SEPSECS: variants seen among roughly 807,000 people sequenced by gnomAD.
The protein encoded by SEPSECS is Sep (O-phosphoserine) tRNA:Sec (selenocysteine) tRNA synthase.
Under a neutral mutation model 52.1 loss-of-function variants are expected in SEPSECS, and 42 were observed. The observed-to-expected ratio is 0.81, with a 90% confidence interval of 0.63 to 1.04. SEPSECS has a LOEUF of 1.04. Among genes scored for constraint, SEPSECS ranks in the 50% least tolerant of loss-of-function variants. The pLI is 0.00. For missense variants in SEPSECS, 590 were observed against 610.6 expected (o/e 0.97, Z 0.36); for synonymous variants, 216 against 211.4 (o/e 1.02, Z -0.19).
chr4:25,127,061 C>A (rs1728403013), intron 9 of SEPSECS, among the ~76,000 whole-genome samples: 1 of 152,198 alleles, frequency 6.6e-6, no homozygotes, highest in Admixed American at 6.5e-5. Flanking sequence ...TTCTTATTCT[C>A]TCAGTGTATA....
intron 8 of SEPSECS, among the ~76,000 whole-genome samples, chr4:25,143,556 G>C (rs1372034186): frequency 6.6e-6 from 1 of 152,092 alleles, no homozygotes; most frequent in Non-Finnish European, 1.5e-5. Flanking sequence ...TTTCATTGTG[G>C]TTTTAAATTT....
At chr4:25,146,032 C>T (rs187823417) in intron 6 of SEPSECS, among the ~76,000 whole-genome samples, 70 of 152,246 alleles carry the variant, frequency 4.6e-4, no homozygotes, top group Non-Finnish European at 7.2e-4. Context: ...TACTTACCTA[C>T]TAGAAATGTA....
chr4:25,135,244 C>T (rs1214934236), intron 8 of SEPSECS, among the ~76,000 whole-genome samples: 1 of 144,536 alleles, frequency 6.9e-6, no homozygotes, highest in Non-Finnish European at 1.5e-5. Flanking sequence ...CACGAAAAAC[C>T]GTTAAAAAAA....
At chr4:25,159,407 A>C in intron 1 of SEPSECS, 1 of 370,916 alleles carries the variant, frequency 2.7e-6, no homozygotes, top group Non-Finnish European at 5.0e-6. Context: ...CCCAGTGAAG[A>C]TGCTTCAAAC....
Position 25,145,043 on chromosome 4 carries a change from T to C in SEPSECS, c.895A>G (p.Asn299Asp). The C allele has an allele frequency of 6.2e-7, 1 of 1,613,960 alleles. No individual in the cohort carries two copies. Reference sequence around the variant, plus strand: ...CTGATTTCCTGAATGAATGAATCATTAAAGCCAGCAATTATAGCACCACCT... The same window carrying C: ...CTGATTTCCTGAATGAATGAATCATCAAAGCCAGCAATTATAGCACCACCT... ...PVGGAIIAGF[N>D]DSFIQEISKM... The change falls in exon 7 of 11, where the codon AAT becomes GAT. Residue 299 changes from asparagine to aspartate, a missense_variant. Asn to Asp is a conservative substitution (Grantham distance 23, BLOSUM62 1). Transcript: ENST00000382103.
intron 10 of SEPSECS, among the ~76,000 whole-genome samples, chr4:25,124,522 T>G (rs920076486): frequency 1.3e-5 from 2 of 152,156 alleles, no homozygotes; most frequent in African/African-American, 2.4e-5. Flanking sequence ...CTTTTTCTCT[T>G]TACCTGAAGC....
chr4:25,159,770 T>A, intron 1 of SEPSECS: 1 of 1,081,198 alleles, frequency 9.2e-7, no homozygotes, highest in Non-Finnish European at 1.1e-6. Flanking sequence ...AGACTCTGTT[T>A]CAAAAAAACA....
intron 8 of SEPSECS, among the ~76,000 whole-genome samples, chr4:25,132,737 G>A (rs1728661478): frequency 6.6e-6 from 1 of 152,120 alleles, no homozygotes; most frequent in African/African-American, 2.4e-5. Context: ...AGCTTTTGGG[G>A]TTTTACATAC....
chr4:25,127,378 A>G, intron 8 of SEPSECS, 21 bp from the exon 9 acceptor site: 4 of 1,547,850 alleles, frequency 2.6e-6, no homozygotes, highest in Non-Finnish European at 3.6e-6. Context: ...AAAATGTCAC[A>G]TTTAAAACAA....
At chr4:25,154,822 C>T (rs1712521038) in intron 5 of SEPSECS, among the ~76,000 whole-genome samples, 176 bp downstream of exon 5, 1 of 152,130 alleles carries the variant, frequency 6.6e-6, no homozygotes, top group African/African-American at 2.4e-5. Context: ...TGTTATATTT[C>T]AAATGGTTGG....
intron 1 of SEPSECS, 97 bp downstream of exon 1, chr4:25,160,159 G>A: frequency 3.9e-6 from 6 of 1,529,548 alleles, no homozygotes; most frequent in East Asian, 2.5e-5. Context: ...GTCTCAAGCA[G>A]CGAAGAGCTG....
chr4:25,154,292 T>C (rs574737085), intron 5 of SEPSECS, among the ~76,000 whole-genome samples: 8 of 152,270 alleles, frequency 5.3e-5, no homozygotes, highest in African/African-American at 1.9e-4. Flanking sequence ...TATAATTTGA[T>C]GCTACAAGAA....
chr4:25,140,906 T>C (rs1005780829), intron 8 of SEPSECS, among the ~76,000 whole-genome samples: 1 of 80,778 alleles, frequency 1.2e-5, no homozygotes, highest in Non-Finnish European at 2.6e-5. Flanking sequence ...CAAGTGTGGA[T>C]TGAAAATATT....
intron 2 of SEPSECS, among the ~76,000 whole-genome samples, chr4:25,157,342 G>A (rs960336810): frequency 3.9e-5 from 6 of 152,006 alleles, no homozygotes; most frequent in African/African-American, 7.3e-5. Context: ...TTCATGCTAG[G>A]CAAACCTTCA....
chr4:25,141,557 C>A (rs1370267841), intron 8 of SEPSECS, among the ~76,000 whole-genome samples: 3 of 152,180 alleles, frequency 2.0e-5, no homozygotes, highest in Non-Finnish European at 4.4e-5. Flanking sequence ...CTTCTTATTA[C>A]CTCCACTGCC....
Position 25,144,846 on chromosome 4 carries a change from A to C in SEPSECS, c.954T>G (p.Pro318=). The change falls in exon 8 of 11, where the codon CCT becomes CCG. Residue 318 remains proline, a synonymous_variant. Coordinates refer to ENST00000382103, the MANE Select transcript of SEPSECS (RefSeq NM_016955.4). ...ATAAAGTAATAAGGACATCTAAAGA[A>C]GGTGAAGCTGAAGCTCTTCCTGAAA... ...KMYPGRASAS[P]SLDVLITLLS... The C allele has an allele frequency of 6.2e-7, 1 of 1,613,102 alleles. No homozygotes were observed. Among genetic ancestry groups the C allele is most frequent in the Non-Finnish European group, 8.5e-7 (1 of 1,179,196 alleles).
At position 25,160,393 on chromosome 4, in the gene SEPSECS, A is replaced by G; in HGVS notation, c.-24T>C. The stretch of plus-strand genomic sequence containing the variant: ...ATGACAGCGGTGGCGACAGTGGCGA[A>G]TAAGCGGGAGCACTAGCTCCACACG... On this transcript the variant is annotated 5_prime_UTR_variant, in exon 1 of 11. Coordinates refer to ENST00000382103, the MANE Select transcript of SEPSECS (RefSeq NM_016955.4). The G allele has an allele frequency of 6.5e-7, 1 of 1,534,294 alleles. No homozygotes were observed. Among genetic ancestry groups the G allele is most frequent in the Non-Finnish European group, 8.8e-7 (1 of 1,133,488 alleles).
At chr4:25,127,511 T>C (rs1420170126) in intron 8 of SEPSECS, among the ~76,000 whole-genome samples, 154 bp from the exon 9 acceptor site, 1 of 152,206 alleles carries the variant, frequency 6.6e-6, no homozygotes, top group Admixed American at 6.5e-5. Context: ...ACAGTGAAAT[T>C]CAAAGCTGCC....
intron 8 of SEPSECS, among the ~76,000 whole-genome samples, chr4:25,141,748 C>T (rs1012137251): frequency 1.2e-4 from 18 of 152,298 alleles, no homozygotes; most frequent in African/African-American, 4.1e-4. Context: ...ATATGAGGCA[C>T]GGACCTTACT....
Sources: allele counts gnomAD v4.1 joint callset (sites outside exome capture counted in the v4.1 genomes callset), GRCh38; gene constraint gnomAD v4.1.1; transcripts MANE v1.5; gene names NCBI Gene and HGNC (gene_info 2026-07-23, HGNC 2026-07-21).